The following GRM8 variants were observed in gnomAD, a reference collection of about 807,000 sequenced individuals.
GRM8 encodes the protein glutamate metabotropic receptor 8.
A neutral mutation model predicts 87.2 loss-of-function variants in GRM8; 47 were observed. The ratio of observed to expected loss-of-function variants is 0.54; its 90% CI spans 0.43 to 0.69. The LOEUF is 0.69. Ranked by LOEUF, GRM8 falls within the 30% of genes least tolerant of loss-of-function variation. The pLI, the probability that GRM8 is intolerant of heterozygous loss-of-function variation, is 0.00. For missense variants in GRM8, 1,019 were observed against 1,139.2 expected (o/e 0.89, Z 1.52); for synonymous variants, 396 against 404.5 (o/e 0.98, Z 0.25).
chr7:126,906,069 G>T (rs780628553), intron 3 of GRM8, among the ~76,000 whole-genome samples: 1 of 152,150 alleles, frequency 6.6e-6, no homozygotes, highest in Non-Finnish European at 1.5e-5. Flanking sequence ...TAGGAGATGG[G>T]ACTGTTGGGA....
intron 2 of GRM8, among the ~76,000 whole-genome samples, chr7:127,231,337 C>T (rs1797675938): frequency 6.6e-6 from 1 of 152,154 alleles, no homozygotes; most frequent in South Asian, 2.1e-4. Flanking sequence ...AGGACTAGAC[C>T]ACATTAAACT....
At chr7:126,592,520 G>T (rs1796779556) in intron 8 of GRM8, among the ~76,000 whole-genome samples, 1 of 151,730 alleles carries the variant, frequency 6.6e-6, no homozygotes, top group African/African-American at 2.4e-5. Flanking sequence ...ACTGAAGGGA[G>T]AACAAAAAAC....
intron 6 of GRM8, among the ~76,000 whole-genome samples, chr7:126,877,349 G>A (rs531917458): frequency 2.0e-5 from 3 of 152,208 alleles, no homozygotes; most frequent in South Asian, 2.1e-4. Context: ...TGTATCCTAC[G>A]GTTTGAGCTG....
chr7:126,773,494 GTTC>G (rs1405274930), intron 6 of GRM8, among the ~76,000 whole-genome samples: 1 of 152,036 alleles, frequency 6.6e-6, no homozygotes, highest in Non-Finnish European at 1.5e-5. Flanking sequence ...ATCCTAAAAT[GTTC>G]TTGATTTAAT....
At chr7:127,021,007 G>T (rs1310797793) in intron 3 of GRM8, among the ~76,000 whole-genome samples, 1 of 151,980 alleles carries the variant, frequency 6.6e-6, no homozygotes, top group Non-Finnish European at 1.5e-5. Context: ...TGTGTGATGT[G>T]CAATTGCCAA....
intron 6 of GRM8, among the ~76,000 whole-genome samples, chr7:126,844,656 A>C (rs2130637864): frequency 6.6e-6 from 1 of 152,282 alleles, no homozygotes; most frequent in East Asian, 1.9e-4. Flanking sequence ...GGAGGCTTGA[A>C]GTCCAACATC....
chr7:126,907,133 GGAGGAA>G (rs1221376875), intron 3 of GRM8, among the ~76,000 whole-genome samples: 1 of 149,816 alleles, frequency 6.7e-6, no homozygotes, highest in African/African-American at 2.5e-5. Context: ...AGAGGAAGAA[GGAGGAA>G]GAGGAAGAAG....
chr7:127,158,206 C>T (rs1792860307), intron 2 of GRM8, among the ~76,000 whole-genome samples: 1 of 152,174 alleles, frequency 6.6e-6, no homozygotes, highest in Non-Finnish European at 1.5e-5. Context: ...CTTACCCCAC[C>T]TCAAGAGAGT....
At chr7:126,959,869 G>A (rs997913536) in intron 3 of GRM8, among the ~76,000 whole-genome samples, 5 of 152,066 alleles carry the variant, frequency 3.3e-5, no homozygotes, top group African/African-American at 1.2e-4. Flanking sequence ...TTAGCTGCAT[G>A]GCACTGAATA....
chr7:127,051,652 G>T (rs1819483683), intron 3 of GRM8, among the ~76,000 whole-genome samples: 2 of 141,104 alleles, frequency 1.4e-5, no homozygotes, highest in South Asian at 2.4e-4. Context: ...TGACATATTT[G>T]TGCATAGAAA....
In GRM8 at chr7:126,668,536, T is replaced by A. The variant is rs188510726; in HGVS notation, c.1358-59038A>T. Among the ~76,000 whole-genome samples, 1,184 of 151,436 alleles carry A rather than the reference T, an allele frequency of 7.8e-3. 20 individuals carry two copies. The highest frequency in any genetic ancestry group is 0.027 in the African/African-American group (1,120 of 41,280). On this transcript the variant is annotated intron_variant, in intron 7 of 10. Coordinates refer to ENST00000339582, the MANE Select transcript of GRM8 (RefSeq NM_000845.3). ...AGCTCCCCACCGCCACCCCCATCCC[T>A]GCCAGCACTGGGACGCATGGCCCAA...
rs545300808 is a variant in GRM8, at chr7:126,716,204, T to C, written c.1357+53661A>G. Among the ~76,000 whole-genome samples the C allele has an allele frequency of 3.4e-4, 51 of 152,228 alleles. 1 individual carries two copies. In the South Asian group the frequency reaches 8.7e-3, roughly 26 times the overall value. On this transcript the variant is annotated intron_variant, in intron 7 of 10. Transcript: ENST00000339582. The stretch of plus-strand genomic sequence containing the variant: ...TTTTTTTCTCTCTCTAAAATGCTCA[T>C]CTGGCTTCTTTTTCAAAACAGTTTT...
chr7:126,819,304 G>C (rs964460896), intron 6 of GRM8, among the ~76,000 whole-genome samples: 2 of 61,600 alleles, frequency 3.2e-5, no homozygotes, highest in East Asian at 3.0e-4. Flanking sequence ...ACACGTGCAC[G>C]CGCAAACTCC....
intron 9 of GRM8, among the ~76,000 whole-genome samples, chr7:126,519,548 C>A (rs1447142672): frequency 1.3e-5 from 2 of 151,986 alleles, no homozygotes; most frequent in African/African-American, 4.8e-5. Context: ...AATTCAAGCT[C>A]CACGATGGCA....
chr7:127,104,176 T>C (rs1825592221), intron 3 of GRM8, among the ~76,000 whole-genome samples: 1 of 152,068 alleles, frequency 6.6e-6, no homozygotes, highest in Non-Finnish European at 1.5e-5. Flanking sequence ...ACAGAAAACA[T>C]TATGAGTTGG....
chr7:127,116,533 C>T (rs1826712644), intron 2 of GRM8, among the ~76,000 whole-genome samples: 1 of 152,146 alleles, frequency 6.6e-6, no homozygotes, highest in African/African-American at 2.4e-5. Flanking sequence ...CATTTAACGG[C>T]AATTGTAATG....
intron 10 of GRM8, among the ~76,000 whole-genome samples, chr7:126,439,546 T>C (rs1433208752): frequency 6.6e-6 from 1 of 152,168 alleles, no homozygotes; most frequent in Non-Finnish European, 1.5e-5. Flanking sequence ...CAGTACATAG[T>C]ACTTGATAAT....
chr7:126,513,275 T>C (rs896648818), intron 9 of GRM8, among the ~76,000 whole-genome samples: 1 of 152,150 alleles, frequency 6.6e-6, no homozygotes, highest in African/African-American at 2.4e-5. Flanking sequence ...TTAGAATGAA[T>C]GTGTGTGGTC....
chr7:126,688,277 T>C (rs1808393199), intron 7 of GRM8, among the ~76,000 whole-genome samples: 1 of 152,152 alleles, frequency 6.6e-6, no homozygotes, highest in Non-Finnish European at 1.5e-5. Context: ...GTAAAGTGAA[T>C]ATTGGAAACA....
Sources: gnomAD v4.1 joint callset for allele counts (sites outside exome capture counted in the v4.1 genomes callset) on GRCh38, gnomAD v4.1.1 for gene constraint, MANE v1.5 for transcripts, NCBI Gene and HGNC (gene_info 2026-07-23, HGNC 2026-07-21) for gene names.